CSMD1: variants seen among roughly 807,000 people sequenced by gnomAD.
The protein encoded by CSMD1 is CUB and sushi domain-containing protein 1.
A neutral mutation model predicts 417.5 loss-of-function variants in CSMD1; 213 were observed. The observed-to-expected ratio is 0.51, with a 90% CI of 0.46 to 0.57. CSMD1 has a LOEUF of 0.57. Among genes scored for constraint, CSMD1 ranks in the 20% least tolerant of loss-of-function variants. The pLI is 0.00. For missense variants in CSMD1, 6,923 were observed against 4,529.7 expected, an observed-to-expected ratio of 1.53 and a Z score of -15.17; for synonymous variants, 2,862 against 1,736.8, an observed-to-expected ratio of 1.65 and a Z score of -16.11.
chr8:4,645,798 G>C (rs2130880414), intron 1 of CSMD1, among the ~76,000 whole-genome samples: 1 of 152,224 alleles, frequency 6.6e-6, no homozygotes, highest in African/African-American at 2.4e-5. Context: ...TTACCCTGTT[G>C]TCCTTTAGAT....
Position 4,123,103 on chromosome 8 carries a change from A to C in CSMD1, c.416-91004T>G, listed in dbSNP as rs897782232. ...AATGCCAGTGAGATTGGAAAACAGA[A>C]AAATGATCCATCAGTACACAAAATA... On this transcript the variant is annotated intron_variant, in intron 3 of 69. Transcript: ENST00000635120. Among the ~76,000 whole-genome samples, 3 of 152,240 alleles carry C rather than the reference A, an allele frequency of 2.0e-5. No homozygotes were observed. The East Asian group carries it at 5.8e-4, about 29-fold the overall frequency.
chr8:4,979,240 T>C (rs774650729), intron 1 of CSMD1, among the ~76,000 whole-genome samples: 1 of 152,188 alleles, frequency 6.6e-6, no homozygotes, highest in Non-Finnish European at 1.5e-5. Flanking sequence ...AGTAATAAAA[T>C]AGCTGCTCAC....
At chr8:4,041,078 G>A (rs1182046680) in intron 3 of CSMD1, among the ~76,000 whole-genome samples, 7 of 141,480 alleles carry the variant, frequency 4.9e-5, no homozygotes, top group Admixed American at 7.3e-5. Context: ...GTGCAGTGGC[G>A]CGATCTCGGC....
intron 1 of CSMD1, among the ~76,000 whole-genome samples, chr8:4,722,148 G>A (rs757790081): frequency 3.3e-5 from 5 of 152,054 alleles, no homozygotes; most frequent in Non-Finnish European, 7.4e-5. Flanking sequence ...TTTACTAAGA[G>A]AGAAGATGTA....
intron 4 of CSMD1, among the ~76,000 whole-genome samples, chr8:3,998,451 T>C (rs1030263665): frequency 6.6e-6 from 1 of 152,218 alleles, no homozygotes; most frequent in Non-Finnish European, 1.5e-5. Flanking sequence ...AAGATGACAC[T>C]ATGTAAGCAA....
At chr8:3,594,411 A>AT (rs143450115) in intron 8 of CSMD1, among the ~76,000 whole-genome samples, 3,289 of 150,834 alleles carry the variant, frequency 0.022, 120 homozygotes, top group African/African-American at 0.073. Flanking sequence ...CATAGAATGT[A>AT]TTTTTTTTTT....
intron 5 of CSMD1, among the ~76,000 whole-genome samples, chr8:3,994,370 C>G (rs1199887637): frequency 7.0e-6 from 1 of 142,514 alleles, no homozygotes; most frequent in Non-Finnish European, 1.5e-5. Context: ...AGGGAGAACT[C>G]AGAAATGAAA....
At chr8:3,819,495 C>T (rs764594067) in intron 5 of CSMD1, among the ~76,000 whole-genome samples, 4 of 151,850 alleles carry the variant, frequency 2.6e-5, no homozygotes, top group African/African-American at 4.8e-5. Context: ...TCTTTCTATT[C>T]TCCAAGAATG....
intron 1 of CSMD1, among the ~76,000 whole-genome samples, chr8:4,821,638 C>T (rs1799530809): frequency 6.6e-6 from 1 of 152,082 alleles, no homozygotes; most frequent in Non-Finnish European, 1.5e-5. Flanking sequence ...AAGTTTACTT[C>T]ACCTAATGGG....
At position 3,451,728 on chromosome 8, in the gene CSMD1, A is replaced by G. The variant is rs111906516; in HGVS notation, c.1561+16984T>C. Among the ~76,000 whole-genome samples, 923 of 152,244 alleles carry G rather than the reference A, an allele frequency of 6.1e-3. 7 individuals carry two copies. Among genetic ancestry groups the G allele is most frequent in the Middle Eastern group, 0.034 (10 of 292 alleles). On this transcript the variant is annotated intron_variant, in intron 12 of 69. Coordinates refer to ENST00000635120, the MANE Select transcript of CSMD1 (RefSeq NM_033225.6). The stretch of plus-strand genomic sequence containing the variant: ...GTTTTGGTTACGGTAGCCTTGTAAT[A>G]TAGTTTGAAGTCAGGTAGCATGACG...
intron 23 of CSMD1, among the ~76,000 whole-genome samples, chr8:3,335,068 T>A (rs1290049849): frequency 6.6e-6 from 1 of 152,204 alleles, no homozygotes; most frequent in Admixed American, 6.5e-5. Context: ...GTGAGAAGTA[T>A]AGCTATGACT....
intron 11 of CSMD1, among the ~76,000 whole-genome samples, chr8:3,476,629 T>G (rs1817441849): frequency 1.3e-5 from 2 of 152,014 alleles, no homozygotes; most frequent in South Asian, 4.1e-4. Flanking sequence ...GGATAAATAA[T>G]GAATCAGCCA....
chr8:4,389,699 A>G (rs1004562672), intron 3 of CSMD1, among the ~76,000 whole-genome samples: 2 of 152,038 alleles, frequency 1.3e-5, no homozygotes, highest in African/African-American at 4.8e-5. Flanking sequence ...ACATTCTAAG[A>G]TTTTTTTATT....
intron 3 of CSMD1, among the ~76,000 whole-genome samples, chr8:4,418,307 T>G (rs1320198102): frequency 6.6e-6 from 1 of 152,170 alleles, no homozygotes; most frequent in East Asian, 1.9e-4. Context: ...GTTGATCTTT[T>G]GGAGTAACAA....
chr8:3,801,292 G>A (rs1203776590), intron 5 of CSMD1, among the ~76,000 whole-genome samples: 2 of 151,974 alleles, frequency 1.3e-5, no homozygotes, highest in East Asian at 1.9e-4. Context: ...ATTAAAAATT[G>A]GGAAAAAGAT....
chr8:4,235,771 C>T (rs994209131), intron 3 of CSMD1, among the ~76,000 whole-genome samples: 2 of 152,062 alleles, frequency 1.3e-5, no homozygotes, highest in Non-Finnish European at 2.9e-5. Flanking sequence ...CATCTGGACC[C>T]CTAGTCTTTT....
chr8:3,230,274 G>C, intron 26 of CSMD1, 43 bp from the exon 27 acceptor site: 1 of 1,476,182 alleles, frequency 6.8e-7, no homozygotes, highest in Non-Finnish European at 9.1e-7. Context: ...TGGAAAACAT[G>C]GTTTCCACAT....
chr8:3,960,039 G>A (rs531150967), intron 5 of CSMD1, among the ~76,000 whole-genome samples: 12 of 152,216 alleles, frequency 7.9e-5, no homozygotes, highest in African/African-American at 1.4e-4. Flanking sequence ...GAGCCTTCTG[G>A]GCATCTCAGG....
chr8:3,513,780 G>C (rs1797175946), intron 10 of CSMD1, among the ~76,000 whole-genome samples: 1 of 152,164 alleles, frequency 6.6e-6, no homozygotes, highest in Non-Finnish European at 1.5e-5. Context: ...CCAAACACAT[G>C]AGAGATAGAC....
Sources: allele counts gnomAD v4.1 joint callset (sites outside exome capture counted in the v4.1 genomes callset), GRCh38; gene constraint gnomAD v4.1.1; transcripts MANE v1.5; gene names NCBI Gene and HGNC (gene_info 2026-07-23, HGNC 2026-07-21).